CLIP2: variants seen among roughly 807,000 people sequenced by gnomAD.
CLIP2 encodes CAP-Gly domain containing linker protein 2.
CLIP2 carries 41 observed loss-of-function variants against 111.7 expected under a neutral mutation model. The ratio of observed to expected loss-of-function variants is 0.37; its 90% confidence interval spans 0.29 to 0.48. The LOEUF (loss-of-function observed/expected upper bound fraction) is 0.48. CLIP2 is among the 20% of genes least tolerant of loss of function. The probability of loss-of-function intolerance (pLI) is 0.99; values close to 1 mark genes in which losing one functional copy is unlikely to be tolerated. For missense variants in CLIP2, 1,160 were observed against 1,422.1 expected, an observed-to-expected ratio of 0.82 and a Z score of 2.96; for synonymous variants, 660 against 644.2, an observed-to-expected ratio of 1.02 and a Z score of -0.37.
chr7:74,404,810 G>A lies in CLIP2; in HGVS notation c.*962G>A, dbSNP rs1408095236. The A allele has an allele frequency of 6.6e-6, 1 of 152,180 alleles. No homozygotes were observed. The highest frequency in any genetic ancestry group is 2.4e-5 in the African/African-American group (1 of 41,422). The allele number at this position is 152,180 out of a possible 1,614,324, so 9.4% of individuals were successfully genotyped here. On this transcript the variant is annotated 3_prime_UTR_variant, in exon 17 of 17. Coordinates refer to ENST00000223398, the MANE Select transcript of CLIP2 (RefSeq NM_003388.5). ...CACCACGTTCACACACACACAGAGG[G>A]ACCACGTGTGCACGCATGACCGTGT...
intron 13 of CLIP2, among the ~76,000 whole-genome samples, chr7:74,390,191 A>C (rs1791250867): frequency 3.0e-5 from 3 of 99,596 alleles, no homozygotes; most frequent in African/African-American, 1.1e-4. Context: ...GAAAGAAAGA[A>C]AGAAAGAAAG....
intron 2 of CLIP2, among the ~76,000 whole-genome samples, chr7:74,335,338 G>A (rs1789417078): frequency 9.5e-6 from 1 of 104,950 alleles, no homozygotes; most frequent in Non-Finnish European, 2.4e-5. Flanking sequence ...AAATGCAGCT[G>A]CTATCTTAAT....
intron 12 of CLIP2, 69 bp from the exon 13 acceptor site, chr7:74,389,034 G>A: frequency 5.9e-6 from 9 of 1,522,760 alleles, no homozygotes; most frequent in Non-Finnish European, 7.9e-6. Flanking sequence ...CCAGGTCTTT[G>A]CCCTTGGGTG....
chr7:74,367,351 C>T (rs1461521066), intron 8 of CLIP2, among the ~76,000 whole-genome samples: 8 of 152,040 alleles, frequency 5.3e-5, no homozygotes, highest in Admixed American at 3.3e-4. Flanking sequence ...CCACCATGCC[C>T]GGCTAATTTT....
intron 12 of CLIP2, among the ~76,000 whole-genome samples, chr7:74,387,257 T>C (rs1791137888): frequency 6.6e-6 from 1 of 152,006 alleles, no homozygotes; most frequent in Admixed American, 6.6e-5. Flanking sequence ...CTCTTTTTGC[T>C]TTTGTTTTTG....
At chr7:74,321,897 A>G (rs1554730074) in intron 2 of CLIP2, among the ~76,000 whole-genome samples, 1 of 151,822 alleles carries the variant, frequency 6.6e-6, no homozygotes, top group East Asian at 1.9e-4. Context: ...CCGCTTCCAG[A>G]CGTGCAAACT....
intron 8 of CLIP2, among the ~76,000 whole-genome samples, chr7:74,372,593 T>C (rs1554312108): frequency 1.3e-5 from 2 of 150,574 alleles, no homozygotes; most frequent in Non-Finnish European, 3.0e-5. Context: ...GGTTGGGGGT[T>C]GGGGGGGACA....
At chr7:74,369,585 G>A (rs1426604376) in intron 8 of CLIP2, among the ~76,000 whole-genome samples, 3 of 151,516 alleles carry the variant, frequency 2.0e-5, no homozygotes, top group African/African-American at 2.4e-5. Context: ...GGCTGGGTGC[G>A]GTGGCTCACA....
intron 2 of CLIP2, among the ~76,000 whole-genome samples, chr7:74,332,738 TCC>T (rs1486529984): frequency 6.6e-6 from 1 of 152,118 alleles, no homozygotes; most frequent in Non-Finnish European, 1.5e-5. Context: ...TCCCTCCCGC[TCC>T]CCCGGGTACC....
At chr7:74,329,773 C>CTATT (rs10648002) in intron 2 of CLIP2, among the ~76,000 whole-genome samples, 91,145 of 149,956 alleles carry the variant, frequency 0.61, 29,756 homozygotes, top group Middle Eastern at 0.74. Flanking sequence ...TTTTATTTAT[C>CTATT]TATTTATTTA....
chr7:74,388,946 A>C, intron 12 of CLIP2, 157 bp from the exon 13 acceptor site: 1 of 813,712 alleles, frequency 1.2e-6, no homozygotes, highest in Non-Finnish European at 1.9e-6. Context: ...ACAGAGCCAG[A>C]CCCAATCTCT....
At chr7:74,305,863 C>A (rs1564027941) in intron 1 of CLIP2, among the ~76,000 whole-genome samples, 1 of 113,236 alleles carries the variant, frequency 8.8e-6, no homozygotes, top group South Asian at 3.7e-4. Flanking sequence ...CAACCCCCCC[C>A]CACCGCCCCT....
intron 13 of CLIP2, among the ~76,000 whole-genome samples, chr7:74,396,159 AC>A (rs1298510756): frequency 2.6e-5 from 4 of 152,152 alleles, no homozygotes; most frequent in Admixed American, 6.6e-5. Flanking sequence ...TTTCCTGCAG[AC>A]CCCAAATGTG....
chr7:74,306,055 G>A (rs1451215274), intron 1 of CLIP2, among the ~76,000 whole-genome samples: 6 of 152,064 alleles, frequency 3.9e-5, no homozygotes, highest in African/African-American at 1.4e-4. Context: ...CTGCCTTCCA[G>A]CCCCACCAGA....
chr7:74,363,671 G>T (rs1176555282), intron 7 of CLIP2, among the ~76,000 whole-genome samples: 1 of 152,160 alleles, frequency 6.6e-6, no homozygotes, highest in Non-Finnish European at 1.5e-5. Context: ...GATCACTTGA[G>T]GCCAGGAGTT....
chr7:74,388,868 A>T (rs1791195488), intron 12 of CLIP2: 1 of 400,300 alleles, frequency 2.5e-6, no homozygotes, highest in Non-Finnish European at 4.4e-6. Flanking sequence ...AGGCAGGAGG[A>T]TTGCTTGAGC....
At chr7:74,373,102 C>A in intron 9 of CLIP2, 66 bp downstream of exon 9, 1 of 914,706 alleles carries the variant, frequency 1.1e-6, no homozygotes. Context: ...CCTCTGGCTT[C>A]TCTGTTTCAT....
intron 11 of CLIP2, among the ~76,000 whole-genome samples, chr7:74,384,828 C>T (rs1030918129): frequency 1.3e-5 from 2 of 151,612 alleles, no homozygotes; most frequent in Non-Finnish European, 2.9e-5. Flanking sequence ...GACTTAGAAT[C>T]GGCACATCTA....
chr7:74,324,669 G>A (rs185155690), intron 2 of CLIP2, among the ~76,000 whole-genome samples: 21 of 152,190 alleles, frequency 1.4e-4, no homozygotes, highest in Non-Finnish European at 2.6e-4. Flanking sequence ...ACTGCACCCC[G>A]GCTGCTGCCT....
Sources: allele counts gnomAD v4.1 joint callset (sites outside exome capture counted in the v4.1 genomes callset), GRCh38; gene constraint gnomAD v4.1.1; transcripts MANE v1.5; gene names NCBI Gene and HGNC (gene_info 2026-07-23, HGNC 2026-07-21).